PFKFB3: variants seen among roughly 807,000 people sequenced by gnomAD.
PFKFB3 encodes the protein 6-phosphofructo-2-kinase/fructose-2,6-bisphosphatase 3.
PFKFB3 carries 33 observed loss-of-function variants against 68.0 expected under a neutral mutation model. The ratio of observed to expected loss-of-function variants is 0.49; its 90% CI spans 0.37 to 0.65. The LOEUF (loss-of-function observed/expected upper bound fraction) is 0.65. Among genes scored for constraint, PFKFB3 ranks in the 30% least tolerant of loss-of-function variants. The pLI is 0.00. For synonymous variants in PFKFB3, 315 were observed against 288.2 expected, an observed-to-expected ratio of 1.09 and a Z score of -0.94; for missense variants, 586 against 712.2, an observed-to-expected ratio of 0.82 and a Z score of 2.02.
chr10:6,161,589 TATATATACACACACAC>T (rs1364657976), intron 1 of PFKFB3, among the ~76,000 whole-genome samples: 1 of 151,196 alleles, frequency 6.6e-6, no homozygotes, highest in East Asian at 1.9e-4. Context: ...CACACACATA[TATATATACACACACAC>T]ATATATATAC....
At chr10:6,237,648 C>A (rs1202501259), downstream of PFKFB3, among the ~76,000 whole-genome samples, 2 of 152,090 alleles carry the variant, frequency 1.3e-5, no homozygotes, top group Admixed American at 1.3e-4. Flanking sequence ...TCACTGCAAC[C>A]TCCGTCTCCA....
chr10:6,261,271 G>GGAT, the PFKFB3 span, among the ~76,000 whole-genome samples: 1 of 152,148 alleles, frequency 6.6e-6, no homozygotes, highest in South Asian at 2.1e-4. Context: ...CTGGATGCAA[G>GGAT]GTCTTTCTTT....
chr10:6,309,793 A>G, the PFKFB3 span, among the ~76,000 whole-genome samples: 4 of 152,302 alleles, frequency 2.6e-5, no homozygotes, highest in Admixed American at 6.5e-5. Flanking sequence ...CACGTTTGTC[A>G]TGAGGTGCTG....
intron 11 of PFKFB3, 27 bp downstream of exon 11, chr10:6,223,011 G>A: frequency 6.2e-7 from 1 of 1,605,472 alleles, no homozygotes; most frequent in Non-Finnish European, 8.5e-7. Flanking sequence ...GTGGCCCCGG[G>A]ATGGAGGGAG....
chr10:6,292,916 C>T, the PFKFB3 span, among the ~76,000 whole-genome samples: 1 of 152,166 alleles, frequency 6.6e-6, no homozygotes, highest in Admixed American at 6.5e-5. Context: ...CTACAGCTCT[C>T]TTGAAATCTG....
At chr10:6,169,290 C>G (rs1842233682) in intron 1 of PFKFB3, among the ~76,000 whole-genome samples, 1 of 152,164 alleles carries the variant, frequency 6.6e-6, no homozygotes, top group Admixed American at 6.5e-5. Context: ...GCAGGTGCAC[C>G]TACCTGGGGG....
chr10:6,299,698 G>T, the PFKFB3 span, among the ~76,000 whole-genome samples: 5 of 152,112 alleles, frequency 3.3e-5, no homozygotes, highest in Non-Finnish European at 7.3e-5. Flanking sequence ...TACTCTTGGC[G>T]TCTCCTGGGC....
intron 13 of PFKFB3, 68 bp from the exon 14 acceptor site, chr10:6,226,124 T>C (rs1025075855): frequency 2.8e-6 from 4 of 1,406,586 alleles, no homozygotes; most frequent in African/African-American, 2.9e-5. Context: ...AGAAACTTTT[T>C]TGGGGCTAAT....
rs1167153940 is a variant in PFKFB3, at chr10:6,203,225, G to A, written c.-36G>A. The A allele has an allele frequency of 1.2e-6, 2 of 1,600,242 alleles. No homozygotes were observed. Among genetic ancestry groups the A allele is most frequent in the Non-Finnish European group, 1.7e-6 (2 of 1,174,456 alleles). On this transcript the variant is annotated 5_prime_UTR_variant, in exon 1 of 15. Transcript: ENST00000379775. ...CTCTCCTGCCAGCGTCGGGATCTCGGCCCCGGGAGGCGGGCCGTCGGGCGC... is the reference window on the plus strand; with the variant it reads ...CTCTCCTGCCAGCGTCGGGATCTCGACCCCGGGAGGCGGGCCGTCGGGCGC...
chr10:6,171,829 C>T (rs978240075), intron 1 of PFKFB3, among the ~76,000 whole-genome samples: 1 of 152,220 alleles, frequency 6.6e-6, no homozygotes, highest in Non-Finnish European at 1.5e-5. Flanking sequence ...GTTTGGATAT[C>T]TCAGCTCAGA....
the PFKFB3 span, among the ~76,000 whole-genome samples, chr10:6,270,439 C>T: frequency 6.6e-6 from 1 of 152,164 alleles, no homozygotes; most frequent in Admixed American, 6.5e-5. Flanking sequence ...TTTCCTGTTG[C>T]TCTTGCGTTT....
intron 5 of PFKFB3, 63 bp downstream of exon 5, chr10:6,216,843 G>T: frequency 1.7e-6 from 2 of 1,198,754 alleles, no homozygotes; most frequent in Non-Finnish European, 1.2e-6. Flanking sequence ...TTCAGGAAGC[G>T]GCCTGAGTCC....
At chr10:6,214,819 G>A (rs779616055) in intron 2 of PFKFB3, among the ~76,000 whole-genome samples, 1 of 152,212 alleles carries the variant, frequency 6.6e-6, no homozygotes, top group African/African-American at 2.4e-5. Flanking sequence ...TAGATCTGGC[G>A]GTGGGCATGA....
At chr10:6,326,537 G>T in the PFKFB3 span, 3 of 455,896 alleles carry the variant, frequency 6.6e-6, no homozygotes, top group Admixed American at 2.4e-5. Context: ...ACCCCAAATT[G>T]TCTTCTAGAT....
chr10:6,246,327 T>TTTATTA (rs58641525), intron 14 of PFKFB3, among the ~76,000 whole-genome samples: 12 of 149,632 alleles, frequency 8.0e-5, no homozygotes, highest in Admixed American at 2.7e-4. Context: ...ATTTATTTTA[T>TTTATTA]TTATTATTAT....
chr10:6,149,029 C>T (rs530747668), intron 1 of PFKFB3, among the ~76,000 whole-genome samples: 43 of 152,180 alleles, frequency 2.8e-4, no homozygotes, highest in African/African-American at 8.9e-4. Flanking sequence ...CAGTGAGCTA[C>T]GATCACACCA....
intron 1 of PFKFB3, among the ~76,000 whole-genome samples, chr10:6,147,233 C>G (rs1588372541): frequency 6.6e-6 from 1 of 152,320 alleles, no homozygotes; most frequent in East Asian, 1.9e-4. Context: ...AGTGCAGCTA[C>G]TCTTCTGTAT....
chr10:6,257,179 C>T (rs1235602285), downstream of PFKFB3, among the ~76,000 whole-genome samples: 1 of 152,166 alleles, frequency 6.6e-6, no homozygotes, highest in Non-Finnish European at 1.5e-5. Flanking sequence ...ACAGGCACTG[C>T]TGTGTGAGAC....
At chr10:6,272,481 G>A in the PFKFB3 span, among the ~76,000 whole-genome samples, 1 of 152,082 alleles carries the variant, frequency 6.6e-6, no homozygotes, top group Non-Finnish European at 1.5e-5. Context: ...ATCACCTGAG[G>A]TCAGGAGTTT....
Sources: allele counts gnomAD v4.1 joint callset (sites outside exome capture counted in the v4.1 genomes callset), GRCh38; gene constraint gnomAD v4.1.1; transcripts MANE v1.5; gene names NCBI Gene and HGNC (gene_info 2026-07-23, HGNC 2026-07-21).